The following CSMD3 variants were observed in gnomAD, a reference collection of about 807,000 sequenced individuals.
CSMD3 encodes the protein CUB and Sushi multiple domains 3, also known as CUB and sushi domain-containing protein 3.
Under a neutral mutation model 435.2 loss-of-function variants are expected in CSMD3, and 177 were observed. The ratio of observed to expected loss-of-function variants is 0.41; its 90% CI spans 0.36 to 0.46. The LOEUF is 0.46. Among genes scored for constraint, CSMD3 ranks in the 20% least tolerant of loss-of-function variants. The probability of loss-of-function intolerance (pLI) is 0.34; values close to 1 mark genes in which losing one functional copy is unlikely to be tolerated. For synonymous variants in CSMD3, 1,656 were observed against 1,520.5 expected (o/e 1.09, Z -2.07); for missense variants, 4,265 against 4,504.6 (o/e 0.95, Z 1.52).
intron 19 of CSMD3, among the ~76,000 whole-genome samples, chr8:112,648,189 G>C (rs764023039): frequency 7.2e-5 from 11 of 152,110 alleles, no homozygotes; most frequent in Admixed American, 2.0e-4. Context: ...ACTAGTTACC[G>C]CTGGGGCAAA....
chr8:112,654,700 C>T (rs900929302), intron 18 of CSMD3, among the ~76,000 whole-genome samples: 1 of 152,146 alleles, frequency 6.6e-6, no homozygotes, highest in Non-Finnish European at 1.5e-5. Flanking sequence ...CTGCATGTTA[C>T]CAGTTATGCT....
chr8:113,335,228 G>A (rs977286379), intron 1 of CSMD3, among the ~76,000 whole-genome samples: 5 of 151,912 alleles, frequency 3.3e-5, no homozygotes, highest in African/African-American at 7.3e-5. Context: ...TGATGCTGCC[G>A]TACTTTCTTT....
At chr8:113,238,109 C>T (rs976351834) in intron 3 of CSMD3, among the ~76,000 whole-genome samples, 3 of 149,188 alleles carry the variant, frequency 2.0e-5, no homozygotes, top group South Asian at 4.2e-4. Flanking sequence ...GGAGTACTGG[C>T]TAGAGTGATG....
intron 38 of CSMD3, among the ~76,000 whole-genome samples, chr8:112,358,303 G>A (rs1369374305): frequency 2.6e-5 from 4 of 152,188 alleles, no homozygotes; most frequent in African/African-American, 4.8e-5. Flanking sequence ...AGATGGAAGG[G>A]ACTTGCCTTG....
intron 5 of CSMD3, among the ~76,000 whole-genome samples, chr8:113,030,423 A>ACAG (rs2087049707): frequency 8.3e-6 from 1 of 120,862 alleles, no homozygotes; most frequent in South Asian, 3.0e-4. Flanking sequence ...CTGGTAAAAA[A>ACAG]AAAAAAAAAA....
At chr8:112,234,214 TG>T in intron 68 of CSMD3, 150 bp downstream of exon 68, 2 of 544,284 alleles carry the variant, frequency 3.7e-6, no homozygotes, top group Non-Finnish European at 6.4e-6. Flanking sequence ...TTCCTAGGCT[TG>T]TACTTTAGAA....
intron 1 of CSMD3, among the ~76,000 whole-genome samples, chr8:113,361,847 A>C (rs1329833696): frequency 6.6e-6 from 1 of 152,134 alleles, no homozygotes; most frequent in Non-Finnish European, 1.5e-5. Flanking sequence ...AGCAATAGGA[A>C]ATATAGTCCT....
At chr8:112,409,182 A>C in intron 32 of CSMD3, 150 bp from the exon 33 acceptor site, 1 of 1,416,648 alleles carries the variant, frequency 7.1e-7, no homozygotes, top group Admixed American at 2.3e-5. Context: ...GATAGGTGCC[A>C]ATTGGTTGAT....
At chr8:112,772,826 C>T (rs1371966814) in intron 13 of CSMD3, among the ~76,000 whole-genome samples, 1 of 152,096 alleles carries the variant, frequency 6.6e-6, no homozygotes, top group African/African-American at 2.4e-5. Context: ...TGTATATGCA[C>T]ATCAAAAGCA....
intron 30 of CSMD3, among the ~76,000 whole-genome samples, chr8:112,501,708 C>T (rs576348891): frequency 6.6e-6 from 1 of 152,192 alleles, no homozygotes; most frequent in African/African-American, 2.4e-5. Context: ...TAAAAAGAAT[C>T]TCACAGATAT....
chr8:113,342,603 T>G (rs969411913), intron 1 of CSMD3, among the ~76,000 whole-genome samples: 6 of 152,138 alleles, frequency 3.9e-5, no homozygotes, highest in African/African-American at 9.6e-5. Flanking sequence ...AACTCGACTC[T>G]ACTCTAGGCC....
At chr8:112,780,010 C>T (rs1448838253) in intron 13 of CSMD3, among the ~76,000 whole-genome samples, 1 of 151,714 alleles carries the variant, frequency 6.6e-6, no homozygotes, top group Non-Finnish European at 1.5e-5. Context: ...GAATTTCTTC[C>T]CCAATTAGAT....
intron 23 of CSMD3, among the ~76,000 whole-genome samples, chr8:112,581,606 A>T (rs1372136245): frequency 3.3e-5 from 5 of 152,052 alleles, no homozygotes; most frequent in African/African-American, 4.8e-5. Context: ...ATTATATAGT[A>T]AATTTGTCCT....
At chr8:112,315,654 T>C (rs1234963606) in intron 47 of CSMD3, among the ~76,000 whole-genome samples, 1 of 151,840 alleles carries the variant, frequency 6.6e-6, no homozygotes, top group Non-Finnish European at 1.5e-5. Context: ...CGAACATAAT[T>C]GCTAACCAGT....
chr8:112,739,772 C>T (rs918747197), intron 13 of CSMD3, among the ~76,000 whole-genome samples: 7 of 151,712 alleles, frequency 4.6e-5, no homozygotes, highest in East Asian at 1.9e-4. Flanking sequence ...TAGATAATAT[C>T]GCATGGTGTT....
chr8:112,302,104 G>A, intron 52 of CSMD3, 138 bp from the exon 53 acceptor site: 1 of 670,492 alleles, frequency 1.5e-6, no homozygotes, highest in East Asian at 2.7e-5. Context: ...AAACATGTTT[G>A]AATGAGTGTG....
At chr8:112,647,705 G>C (rs1404775971) in intron 19 of CSMD3, among the ~76,000 whole-genome samples, 1 of 152,066 alleles carries the variant, frequency 6.6e-6, no homozygotes, top group African/African-American at 2.4e-5. Context: ...TTTGCCAGTA[G>C]CTTTGTATGT....
At chr8:113,042,079 T>C (rs2087644893) in intron 5 of CSMD3, among the ~76,000 whole-genome samples, 1 of 152,210 alleles carries the variant, frequency 6.6e-6, no homozygotes, top group African/African-American at 2.4e-5. Context: ...TAAATGATCA[T>C]ATCTCTTTGT....
At chr8:112,896,487 C>A (rs2081953351) in intron 10 of CSMD3, among the ~76,000 whole-genome samples, 2 of 151,374 alleles carry the variant, frequency 1.3e-5, no homozygotes, top group African/African-American at 4.8e-5. Flanking sequence ...ATGGTGTAAG[C>A]AAGAAATTCA....
Sources: gnomAD v4.1 joint callset for allele counts (sites outside exome capture counted in the v4.1 genomes callset) on GRCh38, gnomAD v4.1.1 for gene constraint, MANE v1.5 for transcripts, NCBI Gene and HGNC (gene_info 2026-07-23, HGNC 2026-07-21) for gene names.